The following DNAAF4 variants were observed in gnomAD, a reference collection of about 807,000 sequenced individuals.
DNAAF4 encodes the protein dynein assembly factor 4, axonemal.
A neutral mutation model predicts 51.8 loss-of-function variants in DNAAF4; 43 were observed. The observed-to-expected ratio is 0.83, with a 90% CI of 0.65 to 1.07. The LOEUF is 1.07. DNAAF4 is among the 50% of genes least tolerant of loss of function. The pLI is 0.00. For synonymous variants in DNAAF4, 194 were observed against 165.6 expected, an observed-to-expected ratio of 1.17 and a Z score of -1.32; for missense variants, 581 against 493.0, an observed-to-expected ratio of 1.18 and a Z score of -1.69.
chr15:55,498,930 GAAAA>G (rs1205581096), intron 1 of DNAAF4, among the ~76,000 whole-genome samples: 2 of 145,254 alleles, frequency 1.4e-5, no homozygotes, highest in East Asian at 2.0e-4. Flanking sequence ...AAAAAGAAAA[GAAAA>G]AGAAAGAAAG....
rs1435163099 is a variant in DNAAF4, at chr15:55,450,213, T to C, written c.783+9A>G. The C allele has an allele frequency of 6.2e-7, 1 of 1,601,252 alleles. No individual in the cohort carries two copies. Among genetic ancestry groups the C allele is most frequent in the East Asian group, 2.2e-5 (1 of 44,796 alleles). ...TTGTGGTAATTGTAACTAGAGTAAG[T>C]ATATATACCTCCTCCTCTTCTGCTA... On this transcript the variant is annotated intron_variant, in intron 6 of 9. Transcript: ENST00000321149.
rs79888796 is a variant in DNAAF4 at position 55,433,987 on chromosome 15, A to T, written c.1047+918T>A. Among the ~76,000 whole-genome samples, 192 of 69,890 alleles carry T rather than the reference A, an allele frequency of 2.7e-3. 4 individuals are homozygous for T. Among genetic ancestry groups the T allele is most frequent in the African/African-American group, 9.9e-3 (182 of 18,396 alleles). 45.9% of individuals were successfully genotyped at this position (69,890 alleles called of 152,430 possible). A position where few individuals can be genotyped will look rare whatever the true frequency, so the allele number is the denominator to read the frequency against. On this transcript the variant is annotated intron_variant, in intron 8 of 9. Transcript: ENST00000321149. ...TAATATATTTTATATATTATATATAATATATATAATATTATATATATTATA... is the reference window on the plus strand; with the variant it reads ...TAATATATTTTATATATTATATATATTATATATAATATTATATATATTATA...
chr15:55,435,301 A>G (rs2057589697), intron 7 of DNAAF4, among the ~76,000 whole-genome samples: 1 of 152,074 alleles, frequency 6.6e-6, no homozygotes. Flanking sequence ...GCATATTTGC[A>G]TTATTTTTGC....
chr15:55,499,095 A>G (rs533062956), intron 1 of DNAAF4, among the ~76,000 whole-genome samples: 1 of 152,244 alleles, frequency 6.6e-6, no homozygotes, highest in South Asian at 2.1e-4. Flanking sequence ...GAGGCTATTA[A>G]GAGTTAGCGC....
intron 6 of DNAAF4, among the ~76,000 whole-genome samples, chr15:55,440,134 C>A (rs2057684628): frequency 6.6e-6 from 1 of 151,914 alleles, no homozygotes; most frequent in African/African-American, 2.4e-5. Context: ...CTCACTGTAA[C>A]CTCCACCTCC....
intron 8 of DNAAF4, among the ~76,000 whole-genome samples, chr15:55,433,510 C>T (rs2141403634): frequency 6.6e-6 from 1 of 150,776 alleles, no homozygotes; most frequent in East Asian, 2.0e-4. Flanking sequence ...CCTTCAGTCC[C>T]AGCTACTCCG....
At chr15:55,433,884 T>A (rs375524237) in intron 8 of DNAAF4, among the ~76,000 whole-genome samples, 620 of 29,670 alleles carry the variant, frequency 0.021, 100 homozygotes, top group Middle Eastern at 0.042. Flanking sequence ...ATTACATATA[T>A]TATATATATA....
chr15:55,438,462 G>A (rs1317955137), intron 7 of DNAAF4, among the ~76,000 whole-genome samples: 1 of 152,012 alleles, frequency 6.6e-6, no homozygotes, highest in Non-Finnish European at 1.5e-5. Context: ...TGACCTGGAA[G>A]GCAGTAAGAT....
intron 6 of DNAAF4, chr15:55,443,410 A>T: frequency 1.6e-6 from 1 of 607,800 alleles, no homozygotes; most frequent in Non-Finnish European, 2.9e-6. Context: ...CCTGGATGGC[A>T]CACATTACTG....
chr15:55,434,741 C>G (rs574674003), intron 8 of DNAAF4, among the ~76,000 whole-genome samples, 164 bp downstream of exon 8: 1 of 151,616 alleles, frequency 6.6e-6, no homozygotes, highest in African/African-American at 2.4e-5. Flanking sequence ...GTTCCTTGTC[C>G]ATTAGTAAAA....
In DNAAF4 at chr15:55,497,814, T is replaced by C. The variant is rs145868397; in HGVS notation, c.169A>G (p.Ile57Val). The change falls in exon 3 of 10, where the codon ATA (isoleucine) becomes GTA (valine). Residue 57 changes from isoleucine to valine, a missense_variant. Physicochemically the swap from Ile to Val is conservative, Grantham distance 29. Transcript: ENST00000321149. The stretch of plus-strand genomic sequence containing the variant: ...TTTGCTTTGCTGCTCTCATCGTCTA[T>C]GGGAGCATAAAGAAATGCCTCAAAT... ...FLFEAFLYAP[I>V]DDESSKAKIG... 2.9e-5 allele frequency: 47 copies of C among 1,613,702 alleles called. No homozygotes were observed. In the African/African-American group the frequency reaches 2.9e-4, roughly 10 times the overall value.
chr15:55,455,462 C>T (rs1393696036), intron 5 of DNAAF4, among the ~76,000 whole-genome samples: 1 of 148,838 alleles, frequency 6.7e-6, no homozygotes, highest in Non-Finnish European at 1.5e-5. Context: ...GACAGGGTCT[C>T]ACTCTGTCAC....
chr15:55,491,339 A>T lies in DNAAF4; in HGVS notation c.272-83T>A, dbSNP rs149290920. 7 of 1,388,130 alleles carry T rather than the reference A, an allele frequency of 5.0e-6. No individual in the cohort carries two copies. In the African/African-American group the frequency reaches 1.0e-4, roughly 20 times the overall value. The allele number at this position is 1,388,130 out of a possible 1,614,324, so 86.0% of individuals were successfully genotyped here. On this transcript the variant is annotated intron_variant, in intron 3 of 9. Transcript: ENST00000321149. ...GAAAACTACTTAAATAAACTGACCC[A>T]GGATGAGATTTCTTTGTACCCAACT...
Position 55,460,250 on chromosome 15 carries a change from G to A in DNAAF4, c.637+6680C>T, listed in dbSNP as rs1282625000. On this transcript the variant is annotated intron_variant, in intron 5 of 9. Coordinates refer to ENST00000321149, the MANE Select transcript of DNAAF4 (RefSeq NM_130810.4). ...GGCTGGAGTGCCGTGGTGCAGTCTC[G>A]GCTCACTGCAACCTCCACCTCCAGA... 2.7e-5 allele frequency among the ~76,000 whole-genome samples: 4 copies of A among 148,332 alleles called. No homozygotes were observed. The East Asian group carries it at 6.0e-4, about 22-fold the overall frequency.
chr15:55,482,678 C>A (rs2058428747), intron 4 of DNAAF4, among the ~76,000 whole-genome samples: 1 of 151,994 alleles, frequency 6.6e-6, no homozygotes, highest in Non-Finnish European at 1.5e-5. Flanking sequence ...GATTCCATCT[C>A]AAAAACAAAA....
At chr15:55,487,440 C>T (rs1005469190) in intron 4 of DNAAF4, among the ~76,000 whole-genome samples, 16 of 151,884 alleles carry the variant, frequency 1.1e-4, no homozygotes, top group Non-Finnish European at 1.9e-4. Context: ...AGGACATAGA[C>T]GGGGACAAAT....
chr15:55,433,886 A>AAT (rs2057546644), intron 8 of DNAAF4, among the ~76,000 whole-genome samples: 1 of 52,844 alleles, frequency 1.9e-5, no homozygotes, highest in East Asian at 4.1e-4. Flanking sequence ...TACATATATT[A>AAT]TATATATATT....
chr15:55,431,915 C>T (rs2057501868), intron 9 of DNAAF4, among the ~76,000 whole-genome samples: 1 of 152,006 alleles, frequency 6.6e-6, no homozygotes, highest in African/African-American at 2.4e-5. Flanking sequence ...CCACACCCAG[C>T]ATTTATCACA....
chr15:55,497,187 A>G (rs1244136646), intron 3 of DNAAF4, among the ~76,000 whole-genome samples: 1 of 152,062 alleles, frequency 6.6e-6, no homozygotes, highest in African/African-American at 2.4e-5. Flanking sequence ...TTTCCCTGTG[A>G]TGCCCTCAAG....
Sources: gnomAD v4.1 joint callset for allele counts (sites outside exome capture counted in the v4.1 genomes callset) on GRCh38, gnomAD v4.1.1 for gene constraint, MANE v1.5 for transcripts, NCBI Gene and HGNC (gene_info 2026-07-23, HGNC 2026-07-21) for gene names.